Variants in RASAL2 observed in about 807,000 individuals in gnomAD.
RASAL2 encodes ras GTPase-activating protein nGAP.
Under a neutral mutation model 128.9 loss-of-function variants are expected in RASAL2, and 58 were observed. The observed-to-expected ratio is 0.45, with a 90% confidence interval of 0.36 to 0.56. The LOEUF is 0.56. RASAL2 is among the 20% of genes least tolerant of loss of function. RASAL2 has a pLI of 0.00. For missense variants in RASAL2, 1,360 were observed against 1,601.6 expected (o/e 0.85, Z 2.57); for synonymous variants, 561 against 580.8 (o/e 0.97, Z 0.49).
chr1:178,167,222 G>A (rs1409319504), intron 1 of RASAL2, among the ~76,000 whole-genome samples: 2 of 152,034 alleles, frequency 1.3e-5, no homozygotes, highest in Non-Finnish European at 2.9e-5. Flanking sequence ...AGCACATAAT[G>A]ACTGTGGACT....
At chr1:178,179,882 A>C (rs1158332571) in intron 1 of RASAL2, among the ~76,000 whole-genome samples, 1 of 152,208 alleles carries the variant, frequency 6.6e-6, no homozygotes, top group Non-Finnish European at 1.5e-5. Context: ...TCTTGTTCGT[A>C]CGAAATAGAA....
chr1:178,299,172 A>G (rs909539939), intron 2 of RASAL2, among the ~76,000 whole-genome samples: 3 of 152,204 alleles, frequency 2.0e-5, no homozygotes, highest in Admixed American at 1.3e-4. Context: ...GTATCTATAC[A>G]AGTTTCCACT....
At chr1:178,289,511 C>T (rs574595220) in intron 2 of RASAL2, among the ~76,000 whole-genome samples, 1 of 152,162 alleles carries the variant, frequency 6.6e-6, no homozygotes, top group South Asian at 2.1e-4. Flanking sequence ...GATGGAGTCT[C>T]ACTATGTTGC....
rs1458036061 is a variant in RASAL2 at position 178,466,154 on chromosome 1, A to G, written c.3590+32A>G. The G allele has an allele frequency of 3.3e-6, 5 of 1,509,724 alleles. No homozygotes were observed. The African/African-American group carries it at 4.2e-5, about 13-fold the overall frequency. The allele number at this position is 1,509,724 out of a possible 1,614,324, so 93.5% of individuals were successfully genotyped here. On this transcript the variant is annotated intron_variant, in intron 16 of 17. Coordinates refer to ENST00000367649, the MANE Select transcript of RASAL2 (RefSeq NM_170692.4). ...CATCACCTGGCAGCAGATGTGGGCT[A>G]GTTAGCAAGACAAAGAATTGAGATG...
intron 6 of RASAL2, among the ~76,000 whole-genome samples, chr1:178,439,872 T>C (rs1241904812): frequency 6.6e-6 from 1 of 152,088 alleles, no homozygotes; most frequent in Non-Finnish European, 1.5e-5. Flanking sequence ...CATTACTATG[T>C]TAATTTTTAG....
chr1:178,338,336 G>A, intron 3 of RASAL2, among the ~76,000 whole-genome samples: 1 of 151,640 alleles, frequency 6.6e-6, no homozygotes, highest in East Asian at 1.9e-4. Context: ...TACCATGTTG[G>A]TCAGGCTAGT....
At chr1:178,126,183 G>T (rs1219050725) in intron 1 of RASAL2, among the ~76,000 whole-genome samples, 2 of 152,196 alleles carry the variant, frequency 1.3e-5, no homozygotes, top group African/African-American at 4.8e-5. Flanking sequence ...GAAACCTGGT[G>T]ATATGGCTGT....
At chr1:178,098,590 G>A (rs755567881) in intron 1 of RASAL2, among the ~76,000 whole-genome samples, 2 of 152,146 alleles carry the variant, frequency 1.3e-5, no homozygotes, top group Non-Finnish European at 2.9e-5. Context: ...TGCCTGCGGT[G>A]GAGCTCTGCA....
intron 1 of RASAL2, among the ~76,000 whole-genome samples, chr1:178,158,232 G>T (rs948394320): frequency 1.3e-5 from 2 of 152,210 alleles, no homozygotes; most frequent in Non-Finnish European, 2.9e-5. Context: ...CGGAGGATGT[G>T]CATCATAGTA....
At chr1:178,451,481 A>T in intron 9 of RASAL2, 90 bp from the exon 10 acceptor site, 1 of 1,332,686 alleles carries the variant, frequency 7.5e-7, no homozygotes, top group Non-Finnish European at 1.0e-6. Flanking sequence ...ATTCCCCATT[A>T]TACGTTTTAG....
At chr1:178,199,067 A>T (rs957993878) in intron 1 of RASAL2, among the ~76,000 whole-genome samples, 2 of 152,190 alleles carry the variant, frequency 1.3e-5, no homozygotes, top group African/African-American at 2.4e-5. Context: ...TCGATCTGGG[A>T]CTAGCAGTGA....
intron 2 of RASAL2, among the ~76,000 whole-genome samples, chr1:178,286,497 G>A (rs1257415867): frequency 6.6e-6 from 1 of 151,838 alleles, no homozygotes; most frequent in African/African-American, 2.4e-5. Context: ...TGCAACCTCC[G>A]CCTCCTGAGT....
intron 1 of RASAL2, among the ~76,000 whole-genome samples, chr1:178,180,663 T>TCACACA (rs3979280): frequency 0.082 from 11,464 of 139,102 alleles, 1,481 homozygotes; most frequent in African/African-American, 0.28. Context: ...CGAGACTGTC[T>TCACACA]CACACACACA....
chr1:178,256,843 T>C (rs1042809359), intron 1 of RASAL2, among the ~76,000 whole-genome samples: 1 of 151,788 alleles, frequency 6.6e-6, no homozygotes, highest in African/African-American at 2.4e-5. Context: ...CCTGCTAAAG[T>C]TTTGTATTTT....
chr1:178,299,646 C>T (rs1271864974), intron 2 of RASAL2, among the ~76,000 whole-genome samples: 5 of 151,814 alleles, frequency 3.3e-5, no homozygotes, highest in Non-Finnish European at 7.4e-5. Flanking sequence ...TACAGGTGGG[C>T]GCCACCACGC....
intron 1 of RASAL2, among the ~76,000 whole-genome samples, chr1:178,109,742 G>A (rs1433705386): frequency 3.9e-5 from 6 of 152,080 alleles, no homozygotes; most frequent in Admixed American, 2.0e-4. Flanking sequence ...AGATTTAGGC[G>A]AGGCATGGTT....
intron 17 of RASAL2, 51 bp from the exon 18 acceptor site, chr1:178,473,024 G>A (rs772700406): frequency 2.1e-5 from 33 of 1,595,460 alleles, no homozygotes; most frequent in Middle Eastern, 1.7e-4. Flanking sequence ...TAAAGAAAGC[G>A]TGTTACCTCC....
intron 3 of RASAL2, among the ~76,000 whole-genome samples, chr1:178,313,346 T>A (rs1175192462): frequency 6.6e-6 from 1 of 152,142 alleles, no homozygotes. Flanking sequence ...TTATTCAATA[T>A]TTGATGTTAA....
At chr1:178,167,662 A>G (rs1005522113) in intron 1 of RASAL2, among the ~76,000 whole-genome samples, 1 of 152,132 alleles carries the variant, frequency 6.6e-6, no homozygotes, top group Non-Finnish European at 1.5e-5. Context: ...ATTGATTAAT[A>G]TACAAATAAA....
Sources: allele counts gnomAD v4.1 joint callset (sites outside exome capture counted in the v4.1 genomes callset), GRCh38; gene constraint gnomAD v4.1.1; transcripts MANE v1.5; gene names NCBI Gene and HGNC (gene_info 2026-07-23, HGNC 2026-07-21).